The following NAV2 variants were observed in gnomAD, a reference collection of about 807,000 sequenced individuals.
NAV2 encodes neuron navigator 2, also known as helicase, APC down-regulated 1.
In NAV2, 54 loss-of-function variants were observed where a neutral mutation model predicts 223.2. The ratio of observed to expected loss-of-function variants is 0.24; its 90% CI spans 0.19 to 0.30. The LOEUF is 0.30. Among genes scored for constraint, NAV2 ranks in the 10% least tolerant of loss-of-function variants. The pLI, the probability that NAV2 is intolerant of heterozygous loss-of-function variation, is 1.00. For synonymous variants in NAV2, 1,279 were observed against 1,239.3 expected, an observed-to-expected ratio of 1.03 and a Z score of -0.67; for missense variants, 2,806 against 3,147.5, an observed-to-expected ratio of 0.89 and a Z score of 2.60.
At chr11:19,472,559 C>A (rs1219333041) in intron 1 of NAV2, among the ~76,000 whole-genome samples, 3 of 152,092 alleles carry the variant, frequency 2.0e-5, no homozygotes, top group Admixed American at 6.5e-5. Flanking sequence ...TCAGGCTGGG[C>A]AAATTCCTTA....
At chr11:19,975,679 T>A (rs1259850328) in intron 10 of NAV2, among the ~76,000 whole-genome samples, 2 of 152,168 alleles carry the variant, frequency 1.3e-5, no homozygotes, top group African/African-American at 2.4e-5. Context: ...AAACTCAGGG[T>A]AACGTGAATT....
At chr11:19,984,353 C>A in intron 11 of NAV2, 106 bp downstream of exon 11, 1 of 1,536,968 alleles carries the variant, frequency 6.5e-7, no homozygotes. Flanking sequence ...CTTGAACCCA[C>A]AGAGAGGGAG....
At chr11:19,950,174 G>A (rs2047267266) in intron 10 of NAV2, among the ~76,000 whole-genome samples, 1 of 152,198 alleles carries the variant, frequency 6.6e-6, no homozygotes, top group Non-Finnish European at 1.5e-5. Context: ...TTACAGATAA[G>A]AAAAAGCAGA....
intron 5 of NAV2, among the ~76,000 whole-genome samples, chr11:19,887,951 T>G (rs1483612537): frequency 1.2e-3 from 96 of 78,674 alleles, no homozygotes; most frequent in African/African-American, 9.1e-3. Flanking sequence ...AAAGAACTGT[T>G]TTTTTTTTTT....
At chr11:19,548,787 A>T (rs1264351618) in intron 1 of NAV2, among the ~76,000 whole-genome samples, 11 of 149,734 alleles carry the variant, frequency 7.3e-5, no homozygotes, top group African/African-American at 2.7e-4. Flanking sequence ...TTGAGGCAGG[A>T]GAATGGCGTG....
intron 1 of NAV2, among the ~76,000 whole-genome samples, chr11:19,599,876 C>T (rs1016507886): frequency 3.3e-5 from 5 of 152,200 alleles, no homozygotes; most frequent in Non-Finnish European, 7.3e-5. Context: ...GCAGTATCTG[C>T]CCAGAAAAAT....
At chr11:19,527,187 C>T (rs2043867380) in intron 1 of NAV2, among the ~76,000 whole-genome samples, 1 of 152,038 alleles carries the variant, frequency 6.6e-6, no homozygotes, top group Non-Finnish European at 1.5e-5. Context: ...GCAGTTTCCC[C>T]CATACTGTTC....
chr11:19,413,369 TA>T (rs564338070), intron 1 of NAV2, among the ~76,000 whole-genome samples: 51 of 152,036 alleles, frequency 3.4e-4, no homozygotes, highest in African/African-American at 1.2e-3. Context: ...AAGACAAGAT[TA>T]GAGAAAAAAG....
chr11:19,921,777 G>A (rs1223289784), intron 6 of NAV2, among the ~76,000 whole-genome samples: 1 of 152,080 alleles, frequency 6.6e-6, no homozygotes, highest in Non-Finnish European at 1.5e-5. Context: ...TGGTAAAATG[G>A]GATCATTATT....
intron 1 of NAV2, among the ~76,000 whole-genome samples, chr11:19,824,622 G>A (rs992746408): frequency 1.3e-5 from 2 of 152,162 alleles, no homozygotes; most frequent in Admixed American, 6.5e-5. Flanking sequence ...ATCCCAAGGT[G>A]GGGGCTACAT....
intron 4 of NAV2, among the ~76,000 whole-genome samples, chr11:19,873,781 C>G (rs2062677804): frequency 6.6e-6 from 1 of 152,158 alleles, no homozygotes; most frequent in Non-Finnish European, 1.5e-5. Flanking sequence ...CCCATAGGCT[C>G]TGCTCCCATC....
In NAV2 at chr11:19,949,080, G is replaced by A. The variant is rs758699223; in HGVS notation, c.2645G>A (p.Gly882Glu). The A allele has an allele frequency of 4.3e-5, 69 of 1,595,152 alleles. No homozygotes were observed. The highest frequency in any genetic ancestry group is 5.7e-5 in the Non-Finnish European group (67 of 1,168,472). The change falls in exon 10 of 38, where the codon GGA becomes GAA. Residue 882 changes from glycine (G) to glutamate (E), a missense_variant and splice_region_variant. Gly to Glu is a moderately conservative substitution (Grantham distance 98). Transcript: ENST00000349880. Reference protein sequence around the residue: ...KNIRTDDITSGYMTDGGLGLY... With the variant: ...KNIRTDDITSEYMTDGGLGLY... ...ATCCGGACCGATGACATTACAAGCG[G>A]GTAAGTACCCGGGGCCGCCCTTTCT... is the stretch of plus-strand genomic sequence containing the variant.
At chr11:19,627,180 G>A (rs141522370) in intron 1 of NAV2, among the ~76,000 whole-genome samples, 1 of 152,298 alleles carries the variant, frequency 6.6e-6, no homozygotes, top group East Asian at 1.9e-4. Flanking sequence ...CTGAGGTCAG[G>A]AGTTCGAGAC....
At chr11:19,414,845 A>G (rs11025127) in intron 1 of NAV2, among the ~76,000 whole-genome samples, 45,357 of 152,098 alleles carry the variant, frequency 0.3, 6,996 homozygotes, top group East Asian at 0.51. Context: ...CTGAATGACT[A>G]CTGGGTAAAT....
intron 1 of NAV2, among the ~76,000 whole-genome samples, chr11:19,826,003 T>G (rs1348121044): frequency 1.3e-5 from 2 of 152,108 alleles, no homozygotes; most frequent in African/African-American, 4.8e-5. Flanking sequence ...GCACTGAGTT[T>G]TTGGTTAGAA....
chr11:19,939,013 C>T (rs1382296962), intron 7 of NAV2, among the ~76,000 whole-genome samples: 1 of 152,194 alleles, frequency 6.6e-6, no homozygotes, highest in Admixed American at 6.5e-5. Flanking sequence ...GACAAGAAAA[C>T]ATTGCATGAA....
intron 1 of NAV2, among the ~76,000 whole-genome samples, chr11:19,684,233 C>A (rs1248561490): frequency 1.3e-5 from 2 of 152,158 alleles, no homozygotes; most frequent in Admixed American, 1.3e-4. Context: ...ATTATACTTC[C>A]TTTTCATGCC....
chr11:19,714,062 C>A (rs1433569364), intron 1 of NAV2, 100 bp downstream of exon 1: 6 of 1,475,222 alleles, frequency 4.1e-6, no homozygotes, highest in Admixed American at 2.0e-5. Flanking sequence ...AAGGGTCTAC[C>A]ATGTGGCCAG....
At chr11:19,605,000 C>A (rs1447131163) in intron 1 of NAV2, among the ~76,000 whole-genome samples, 1 of 152,148 alleles carries the variant, frequency 6.6e-6, no homozygotes, top group Non-Finnish European at 1.5e-5. Flanking sequence ...TCCATTAAAC[C>A]CATTTTTCTT....
Sources: gnomAD v4.1 joint callset for allele counts (sites outside exome capture counted in the v4.1 genomes callset) on GRCh38, gnomAD v4.1.1 for gene constraint, MANE v1.5 for transcripts, NCBI Gene and HGNC (gene_info 2026-07-23, HGNC 2026-07-21) for gene names.